The following FGF12 variants were observed in gnomAD, a reference collection of about 807,000 sequenced individuals.
FGF12 encodes fibroblast growth factor 12B.
Under a neutral mutation model 23.6 loss-of-function variants are expected in FGF12, and 14 were observed. The observed-to-expected ratio is 0.59, with a 90% CI of 0.39 to 0.93. The LOEUF (loss-of-function observed/expected upper bound fraction) is 0.93, where lower values mean the gene tolerates loss of function less well. Among genes scored for constraint, FGF12 ranks in the 40% least tolerant of loss-of-function variants. The pLI is 0.00. For synonymous variants in FGF12, 62 were observed against 77.3 expected (o/e 0.80, Z 1.04); for missense variants, 175 against 217.8 (o/e 0.80, Z 1.24).
intron 2 of FGF12, among the ~76,000 whole-genome samples, chr3:192,365,030 G>T (rs1483483042): frequency 6.6e-6 from 1 of 151,682 alleles, no homozygotes; most frequent in Non-Finnish European, 1.5e-5. Flanking sequence ...GTCTATTCAT[G>T]AGAAAAAAAA....
chr3:192,354,948 G>A (rs945118878), intron 3 of FGF12, among the ~76,000 whole-genome samples: 14 of 152,174 alleles, frequency 9.2e-5, no homozygotes, highest in Admixed American at 9.2e-4. Flanking sequence ...AGTGTCAGGT[G>A]ATCCACCCAC....
At chr3:192,471,530 G>T (rs1255283123) in intron 2 of FGF12, among the ~76,000 whole-genome samples, 1 of 152,120 alleles carries the variant, frequency 6.6e-6, no homozygotes, top group Non-Finnish European at 1.5e-5. Context: ...TGTATACCAT[G>T]GTTCATATTT....
chr3:192,510,476 C>T (rs1253567848), intron 2 of FGF12, among the ~76,000 whole-genome samples: 1 of 152,186 alleles, frequency 6.6e-6, no homozygotes, highest in African/African-American at 2.4e-5. Flanking sequence ...ATTGACAACA[C>T]TGACAAAAAT....
chr3:192,189,763 C>T (rs745945460), intron 4 of FGF12, among the ~76,000 whole-genome samples: 12 of 152,122 alleles, frequency 7.9e-5, no homozygotes, highest in Non-Finnish European at 1.6e-4. Flanking sequence ...CCAAGATCAC[C>T]ATAACCACGA....
At chr3:192,568,951 A>G (rs1315113715) in intron 2 of FGF12, among the ~76,000 whole-genome samples, 1 of 152,166 alleles carries the variant, frequency 6.6e-6, no homozygotes, top group Non-Finnish European at 1.5e-5. Flanking sequence ...ATAAAAGACC[A>G]ACTTATGAAG....
chr3:192,311,958 T>TATCTA, intron 4 of FGF12, among the ~76,000 whole-genome samples: 1 of 152,134 alleles, frequency 6.6e-6, no homozygotes, highest in Non-Finnish European at 1.5e-5. Flanking sequence ...TCTATCTATC[T>TATCTA]ATCTATCTAT....
intron 3 of FGF12, among the ~76,000 whole-genome samples, chr3:192,340,976 AAAAGCTTCTGCAGAGC>A (rs544245985): frequency 8.7e-4 from 133 of 152,306 alleles, no homozygotes; most frequent in African/African-American, 3.1e-3. Flanking sequence ...CATTAAACTA[AAAAGCTTCTGCAGAGC>A]AAAGGAAACA....
At chr3:192,211,317 T>C (rs976891410) in intron 4 of FGF12, among the ~76,000 whole-genome samples, 2 of 152,208 alleles carry the variant, frequency 1.3e-5, no homozygotes, top group South Asian at 4.1e-4. Flanking sequence ...AGAGTTGCCA[T>C]TAACGACAAA....
chr3:192,718,320 T>C (rs1348814196), intron 2 of FGF12, among the ~76,000 whole-genome samples: 1 of 152,000 alleles, frequency 6.6e-6, no homozygotes, highest in Non-Finnish European at 1.5e-5. Context: ...GAAAAGACGT[T>C]ATAAAAACAT....
chr3:192,580,323 T>A (rs1423183444), intron 2 of FGF12, among the ~76,000 whole-genome samples: 3 of 152,076 alleles, frequency 2.0e-5, no homozygotes, highest in East Asian at 1.9e-4. Flanking sequence ...ATTTCTATTT[T>A]TTTTTTTTGC....
chr3:192,383,086 A>G (rs1042435116), intron 2 of FGF12, among the ~76,000 whole-genome samples: 7 of 152,222 alleles, frequency 4.6e-5, no homozygotes, highest in African/African-American at 1.7e-4. Flanking sequence ...AGAAAGTGGA[A>G]GTATGTAATC....
intron 2 of FGF12, among the ~76,000 whole-genome samples, chr3:192,483,029 T>C (rs564036845): frequency 6.6e-6 from 1 of 152,070 alleles, no homozygotes; most frequent in East Asian, 1.9e-4. Context: ...CTGGCTTCAA[T>C]ATATGTTTCC....
chr3:192,634,712 T>G (rs2108659196), intron 2 of FGF12, among the ~76,000 whole-genome samples: 1 of 152,256 alleles, frequency 6.6e-6, no homozygotes, highest in Non-Finnish European at 1.5e-5. Flanking sequence ...AATAAATTAC[T>G]TTATATATTT....
At chr3:192,222,750 G>T (rs1052489255) in intron 4 of FGF12, among the ~76,000 whole-genome samples, 12 of 152,112 alleles carry the variant, frequency 7.9e-5, no homozygotes, top group African/African-American at 2.7e-4. Flanking sequence ...CAACAGGCTG[G>T]GGAATGGTAA....
At chr3:192,559,423 G>T (rs1412875755) in intron 2 of FGF12, among the ~76,000 whole-genome samples, 4 of 151,798 alleles carry the variant, frequency 2.6e-5, no homozygotes, top group African/African-American at 4.8e-5. Context: ...GATAGGGAGG[G>T]GTAAACAGGT....
At chr3:192,493,859 C>T (rs1723872298) in intron 2 of FGF12, among the ~76,000 whole-genome samples, 1 of 152,120 alleles carries the variant, frequency 6.6e-6, no homozygotes, top group South Asian at 2.1e-4. Context: ...CCACCTCCAG[C>T]ACTGGGAATT....
chr3:192,440,744 T>C (rs1242014178), intron 2 of FGF12, among the ~76,000 whole-genome samples: 4 of 152,206 alleles, frequency 2.6e-5, no homozygotes, highest in Admixed American at 6.5e-5. Context: ...ACTCAACAAA[T>C]TGAAAGTAAA....
chr3:192,709,794 T>A (rs1309377700), intron 2 of FGF12, among the ~76,000 whole-genome samples: 1 of 152,186 alleles, frequency 6.6e-6, no homozygotes, highest in Admixed American at 6.5e-5. Context: ...TTCCACCCCC[T>A]AGAGCCTCCA....
In FGF12 at chr3:192,669,602, TAAAAAAAAAAAAAA is replaced by T. The variant is rs59897483; in HGVS notation, c.13+57565_13+57578del. Among the ~76,000 whole-genome samples the T allele has an allele frequency of 5.5e-4, 33 of 59,528 alleles. 1 individual carries two copies. In the East Asian group the frequency reaches 0.015, roughly 26 times the overall value. The allele number at this position is 59,528 out of a possible 152,430, so 39.1% of individuals were successfully genotyped here. On this transcript the variant is annotated intron_variant, in intron 2 of 5. Coordinates refer to ENST00000445105, the MANE Select transcript of FGF12 (RefSeq NM_004113.6). ...CTGGAGACAGAGAAAGACTCTGTCT[TAAAAAAAAAAAAAA>T]AAAAAAAAAAAAAAAAATTGGTGTG...
Sources: gnomAD v4.1 joint callset for allele counts (sites outside exome capture counted in the v4.1 genomes callset) on GRCh38, gnomAD v4.1.1 for gene constraint, MANE v1.5 for transcripts, NCBI Gene and HGNC (gene_info 2026-07-23, HGNC 2026-07-21) for gene names.